PRELID2: variants seen among roughly 807,000 people sequenced by gnomAD.
PRELID2 encodes PRELI domain containing 2.
Under a neutral mutation model 28.4 loss-of-function variants are expected in PRELID2, and 25 were observed. The ratio of observed to expected loss-of-function variants is 0.88; its 90% CI spans 0.64 to 1.23. PRELID2 has a LOEUF of 1.23. Ranked by LOEUF, PRELID2 falls within the 50% of genes most tolerant of loss-of-function variation. The pLI is 0.00. For synonymous variants in PRELID2, 76 were observed against 71.6 expected (o/e 1.06, Z -0.31); for missense variants, 201 against 214.4 (o/e 0.94, Z 0.39).
chr5:145,363,540 A>C, the PRELID2 span, among the ~76,000 whole-genome samples: 3 of 152,060 alleles, frequency 2.0e-5, no homozygotes, highest in Admixed American at 2.0e-4. Context: ...CCCCTCATAG[A>C]TCATTTTAAA....
chr5:145,392,471 A>G, the PRELID2 span, among the ~76,000 whole-genome samples: 1 of 152,140 alleles, frequency 6.6e-6, no homozygotes, highest in South Asian at 2.1e-4. Context: ...GTAACTACAA[A>G]TCAAGATGAG....
chr5:145,497,849 T>C (rs1752322003), intron 1 of PRELID2, among the ~76,000 whole-genome samples: 1 of 152,234 alleles, frequency 6.6e-6, no homozygotes, highest in East Asian at 1.9e-4. Context: ...CAGCTGGGCA[T>C]GGATCAATTC....
At chr5:145,601,623 G>A (rs1753398680) in intron 1 of PRELID2, among the ~76,000 whole-genome samples, 1 of 152,092 alleles carries the variant, frequency 6.6e-6, no homozygotes, top group Non-Finnish European at 1.5e-5. Context: ...AGAAATTACT[G>A]AACTGTGATC....
intron 4 of PRELID2, 90 bp downstream of exon 4, chr5:145,817,804 C>A: frequency 9.4e-7 from 1 of 1,068,500 alleles, no homozygotes; most frequent in South Asian, 2.9e-5. Context: ...AAACAGTGGT[C>A]ATAAGTATAG....
At chr5:145,359,079 T>G in the PRELID2 span, among the ~76,000 whole-genome samples, 1 of 152,188 alleles carries the variant, frequency 6.6e-6, no homozygotes, top group East Asian at 1.9e-4. Flanking sequence ...TGATTACTGA[T>G]GGATGCACTC....
the PRELID2 span, among the ~76,000 whole-genome samples, chr5:145,379,163 T>C: frequency 6.6e-6 from 1 of 152,166 alleles, no homozygotes; most frequent in African/African-American, 2.4e-5. Context: ...AACTTTGTTC[T>C]CTGGTTTCTT....
chr5:145,661,666 T>TTA (rs1464264082), intron 1 of PRELID2, among the ~76,000 whole-genome samples: 12 of 97,180 alleles, frequency 1.2e-4, no homozygotes, highest in African/African-American at 3.5e-4. Context: ...AACAAGCCAT[T>TTA]AAAAAAAAAA....
At chr5:145,285,112 A>C in the PRELID2 span, among the ~76,000 whole-genome samples, 2 of 152,034 alleles carry the variant, frequency 1.3e-5, no homozygotes, top group African/African-American at 4.8e-5. Context: ...CTCAAACCCG[A>C]GTCTATATAA....
intron 1 of PRELID2, among the ~76,000 whole-genome samples, chr5:145,632,770 T>C (rs529707738): frequency 6.6e-5 from 10 of 152,318 alleles, no homozygotes; most frequent in African/African-American, 1.7e-4. Context: ...TCCATGATTA[T>C]GTTACATTAT....
At chr5:145,661,938 G>A (rs1210290298) in intron 1 of PRELID2, among the ~76,000 whole-genome samples, 2 of 152,062 alleles carry the variant, frequency 1.3e-5, no homozygotes, top group Non-Finnish European at 2.9e-5. Flanking sequence ...AACAGAGCAT[G>A]GCCAAAGGAG....
At chr5:145,702,060 A>AT (rs1554084589) in intron 1 of PRELID2, among the ~76,000 whole-genome samples, 23 of 145,838 alleles carry the variant, frequency 1.6e-4, no homozygotes, top group East Asian at 4.2e-4. Context: ...AGGAAAAAAA[A>AT]AAATATATAT....
chr5:145,699,724 T>C (rs1755364136), intron 1 of PRELID2, among the ~76,000 whole-genome samples: 1 of 152,202 alleles, frequency 6.6e-6, no homozygotes, highest in South Asian at 2.1e-4. Context: ...TCATTTAAAC[T>C]AAGCGTGGCC....
At chr5:145,485,000 G>A (rs961485032) in intron 1 of PRELID2, among the ~76,000 whole-genome samples, 16 of 152,268 alleles carry the variant, frequency 1.1e-4, no homozygotes, top group Middle Eastern at 3.4e-3. Flanking sequence ...GAAATTCGTC[G>A]TTGTCATAGA....
chr5:145,781,745 ATATC>A, intron 5 of PRELID2, among the ~76,000 whole-genome samples: 1 of 144,242 alleles, frequency 6.9e-6, no homozygotes, highest in Non-Finnish European at 1.5e-5. Flanking sequence ...TATATATACT[ATATC>A]TATATATATA....
chr5:145,720,851 A>G (rs1055108004), intron 1 of PRELID2, among the ~76,000 whole-genome samples: 1 of 152,038 alleles, frequency 6.6e-6, no homozygotes, highest in Non-Finnish European at 1.5e-5. Flanking sequence ...ATTGTTGTAT[A>G]GAAGCAGTTC....
rs189468056 is a variant in PRELID2 at position 145,646,593 on chromosome 5, A to C, written n.70+118338T>G. On this transcript the variant is annotated intron_variant and non_coding_transcript_variant, in intron 1 of 2. Coordinates refer to the PRELID2 transcript ENST00000510259. ...GCTCCCTTGCTGTTGAGGAGTTTTG[A>C]TCCTTTGGAGGAAAAAAGCCGTTCT... is the stretch of plus-strand genomic sequence containing the variant. Among the ~76,000 whole-genome samples the C allele has an allele frequency of 3.8e-4, 58 of 152,126 alleles. No individual in the cohort carries two copies. In the East Asian group the frequency reaches 0.011, roughly 28 times the overall value.
At chr5:145,321,508 C>CA in the PRELID2 span, among the ~76,000 whole-genome samples, 1 of 152,160 alleles carries the variant, frequency 6.6e-6, no homozygotes, top group African/African-American at 2.4e-5. Context: ...TTGTTGTCCA[C>CA]AACAATAGCA....
chr5:145,571,328 G>A (rs1753013439), intron 1 of PRELID2, among the ~76,000 whole-genome samples: 1 of 152,142 alleles, frequency 6.6e-6, no homozygotes, highest in Admixed American at 6.5e-5. Context: ...GGCTAGGACA[G>A]GAAGTGGGGG....
chr5:145,802,686 G>A (rs1753214147), intron 4 of PRELID2, among the ~76,000 whole-genome samples: 1 of 152,154 alleles, frequency 6.6e-6, no homozygotes, highest in Non-Finnish European at 1.5e-5. Flanking sequence ...AGCAGTGCCT[G>A]TATCTGAGTC....
Sources: allele counts gnomAD v4.1 joint callset (sites outside exome capture counted in the v4.1 genomes callset), GRCh38; gene constraint gnomAD v4.1.1; transcripts MANE v1.5; gene names NCBI Gene and HGNC (gene_info 2026-07-23, HGNC 2026-07-21).